Variants in CREBBP observed in about 807,000 individuals in gnomAD.
CREBBP encodes CREB-binding protein.
In CREBBP, 19 loss-of-function variants were observed where a neutral mutation model predicts 265.0. The observed-to-expected ratio is 0.07, with a 90% confidence interval of 0.05 to 0.11. The LOEUF (loss-of-function observed/expected upper bound fraction) is 0.11, where lower values mean the gene tolerates loss of function less well. Among genes scored for constraint, CREBBP ranks in the 10% least tolerant of loss-of-function variants. CREBBP has a pLI of 1.00. For missense variants in CREBBP, 2,525 were observed against 3,219.0 expected, an observed-to-expected ratio of 0.78 and a Z score of 5.22; for synonymous variants, 1,457 against 1,223.7, an observed-to-expected ratio of 1.19 and a Z score of -3.98.
At chr16:3,827,579 G>A (rs2054262480) in intron 2 of CREBBP, among the ~76,000 whole-genome samples, 1 of 152,024 alleles carries the variant, frequency 6.6e-6, no homozygotes, top group South Asian at 2.1e-4. Flanking sequence ...TTTTAGTGGA[G>A]ACGGGGTTTC....
intron 2 of CREBBP, among the ~76,000 whole-genome samples, chr16:3,833,647 A>G (rs542238568): frequency 6.6e-6 from 1 of 152,314 alleles, no homozygotes; most frequent in East Asian, 1.9e-4. Flanking sequence ...TCTCCATACT[A>G]GCAACAAATA....
chr16:3,824,259 G>C (rs2054197082), intron 2 of CREBBP, among the ~76,000 whole-genome samples: 1 of 152,236 alleles, frequency 6.6e-6, no homozygotes, highest in Admixed American at 6.5e-5. Flanking sequence ...AGTTGACCGA[G>C]GCTACGCCTC....
chr16:3,826,866 G>C (rs2054246633), intron 2 of CREBBP, among the ~76,000 whole-genome samples: 1 of 152,170 alleles, frequency 6.6e-6, no homozygotes, highest in South Asian at 2.1e-4. Flanking sequence ...ATCAGTATTG[G>C]TTCATTACTT....
chr16:3,836,902 C>G (rs1460575057), intron 2 of CREBBP, among the ~76,000 whole-genome samples: 1 of 152,192 alleles, frequency 6.6e-6, no homozygotes, highest in East Asian at 1.9e-4. Context: ...TAAGGCATTA[C>G]TCAGGTGTCT....
chr16:3,748,897 G>C (rs1319345242), intron 21 of CREBBP, among the ~76,000 whole-genome samples: 1 of 152,226 alleles, frequency 6.6e-6, no homozygotes, highest in Non-Finnish European at 1.5e-5. Flanking sequence ...TGGAATCCCA[G>C]CACTTTGGGA....
At chr16:3,861,958 GCCA>G (rs2055084548) in intron 1 of CREBBP, among the ~76,000 whole-genome samples, 3 of 152,166 alleles carry the variant, frequency 2.0e-5, no homozygotes, top group African/African-American at 7.2e-5. Context: ...CTGCTGAAGA[GCCA>G]GAGAGCTCGG....
intron 2 of CREBBP, among the ~76,000 whole-genome samples, chr16:3,811,302 G>C (rs770216357): frequency 1.3e-5 from 2 of 152,032 alleles, no homozygotes; most frequent in African/African-American, 2.4e-5. Context: ...AACTGCATGG[G>C]TCTACATATA....
intron 22 of CREBBP, 44 bp downstream of exon 22, chr16:3,745,233 G>A: frequency 6.4e-7 from 1 of 1,567,072 alleles, no homozygotes. Flanking sequence ...CCCCGCCACT[G>A]GCTCTGTGCA....
chr16:3,728,590 C>G lies in CREBBP; in HGVS notation c.6457G>C (p.Gly2153Arg), dbSNP rs370693698. 6.2e-7 allele frequency: 1 copy of G among 1,613,776 alleles called. No individual in the cohort carries two copies. Residue 2153 changes from glycine (G) to arginine (R), a missense_variant, in exon 31 of 31, where the codon GGT becomes CGT. Coordinates refer to ENST00000262367, the MANE Select transcript of CREBBP (RefSeq NM_004380.3). The surrounding 1 kb of genome is among the most constrained non-coding windows in gnomAD (Gnocchi z 8.7). ...ATCGCCTGCTGCTGTGGAGGCACAC[C>G]GGGCCGCGGCACGCCAGCCTGCATG... is the stretch of plus-strand genomic sequence containing the variant. ...NAMQAGVPRP[G>R]VPPQQQAMGG... is the part of the protein sequence containing the mutation.
At chr16:3,829,080 A>G (rs779080498) in intron 2 of CREBBP, among the ~76,000 whole-genome samples, 1 of 152,214 alleles carries the variant, frequency 6.6e-6, no homozygotes, top group Non-Finnish European at 1.5e-5. Flanking sequence ...TTACATGGTA[A>G]TCAACATAAA....
intron 5 of CREBBP, among the ~76,000 whole-genome samples, chr16:3,787,867 G>A (rs900606015): frequency 3.9e-5 from 6 of 152,118 alleles, no homozygotes; most frequent in Non-Finnish European, 5.9e-5. Flanking sequence ...GTAGAGACGG[G>A]GTTTCACTGT....
Position 3,736,030 on chromosome 16 carries a change from CT to C in CREBBP, c.4728+5del. 1 of 1,614,238 alleles carries C rather than the reference CT, an allele frequency of 6.2e-7. No homozygotes were observed. Among genetic ancestry groups the C allele is most frequent in the Non-Finnish European group, 8.5e-7 (1 of 1,180,050 alleles). On this transcript the variant is annotated splice_donor_5th_base_variant and intron_variant, in intron 28 of 30. Transcript: ENST00000262367. ...TGGGCAATGGAGCTCAGAGAAGGGT[CT>C]GTACCTCAGTGGTTTCACTGGCTGC...
At chr16:3,879,340 C>G (rs1275950379) in intron 1 of CREBBP, among the ~76,000 whole-genome samples, 2 of 152,178 alleles carry the variant, frequency 1.3e-5, no homozygotes, top group East Asian at 3.8e-4. Flanking sequence ...GGTTCTAACT[C>G]GCAAGCTGGC....
intron 27 of CREBBP, 69 bp from the exon 28 acceptor site, chr16:3,736,272 C>A (rs556453144): frequency 1.3e-6 from 2 of 1,510,210 alleles, no homozygotes; most frequent in African/African-American, 1.4e-5. Flanking sequence ...GTGCGACAGA[C>A]CCCCACGCAA....
In CREBBP at chr16:3,769,237, C is replaced by G; in HGVS notation, c.2997G>C (p.Thr999=). 6.2e-7 allele frequency: 1 copy of G among 1,614,096 alleles called. No individual in the cohort carries two copies. The highest frequency in any genetic ancestry group is 8.5e-7 in the Non-Finnish European group (1 of 1,180,024). The change falls in exon 15 of 31, where the codon ACG becomes ACC. Residue 999 remains threonine, a synonymous_variant. Transcript: ENST00000262367. ...GPDVPVLEMK[T]ETQAEDTEPD... is the part of the protein sequence containing the mutation. ...GCTCAGTGTCCTCTGCTTGGGTCTC[C>G]GTCTTCATTTCCAGCACAGGTACGT...
chr16:3,749,642 G>A lies in CREBBP; in HGVS notation c.3821C>T (p.Thr1274Ile), dbSNP rs771768342. 4.4e-6 allele frequency: 7 copies of A among 1,606,976 alleles called. No homozygotes were observed. Among genetic ancestry groups the A allele is most frequent in the Non-Finnish European group, 6.0e-6 (7 of 1,174,390 alleles). The stretch of plus-strand genomic sequence containing the variant: ...ATATACTTACGGTTCGGGGTCTAAG[G>A]TATCATTTTTCTTCTTTTCAAACTG... ...KDQFEKKKND[T>I]LDPEPFVDCK... The change falls in exon 21 of 31, where the codon ACC (threonine) becomes ATC (isoleucine). Residue 1274 changes from threonine (T) to isoleucine (I), a missense_variant. By Grantham distance (89) the Thr-to-Ile change is moderately conservative. Transcript: ENST00000262367.
chr16:3,856,358 C>T (rs1463007439), intron 1 of CREBBP, among the ~76,000 whole-genome samples: 1 of 152,094 alleles, frequency 6.6e-6, no homozygotes. Flanking sequence ...GCTCCGGCAC[C>T]CAGGCTGGAG....
intron 2 of CREBBP, among the ~76,000 whole-genome samples, chr16:3,819,093 T>C (rs1364198215): frequency 1.3e-5 from 2 of 152,224 alleles, no homozygotes; most frequent in African/African-American, 2.4e-5. Flanking sequence ...AAGTGCGGCC[T>C]GTGGGCCAAA....
chr16:3,855,968 T>C (rs1000785324), intron 1 of CREBBP, among the ~76,000 whole-genome samples: 3 of 152,254 alleles, frequency 2.0e-5, no homozygotes, highest in Admixed American at 6.5e-5. Flanking sequence ...ACCCAAATGA[T>C]AAACGTTTGA....
Sources: allele counts gnomAD v4.1 joint callset (sites outside exome capture counted in the v4.1 genomes callset), GRCh38; gene constraint gnomAD v4.1.1; non-coding constraint Gnocchi (gnomAD v3.1); transcripts MANE v1.5; gene names NCBI Gene and HGNC (gene_info 2026-07-23, HGNC 2026-07-21).